FGD6: variants seen among roughly 807,000 people sequenced by gnomAD.
FGD6 encodes the protein FYVE, RhoGEF and PH domain containing 6, also known as FYVE, RhoGEF and PH domain-containing protein 6.
A neutral mutation model predicts 149.4 loss-of-function variants in FGD6; 90 were observed. The ratio of observed to expected loss-of-function variants is 0.60; its 90% CI spans 0.51 to 0.72. FGD6 has a LOEUF of 0.72. FGD6 is among the 30% of genes least tolerant of loss of function. The probability of loss-of-function intolerance (pLI) is 0.00; values close to 1 mark genes in which losing one functional copy is unlikely to be tolerated. For synonymous variants in FGD6, 527 were observed against 584.0 expected, an observed-to-expected ratio of 0.90 and a Z score of 1.41; for missense variants, 1,437 against 1,684.8, an observed-to-expected ratio of 0.85 and a Z score of 2.57.
chr12:95,146,558 T>A (rs921166527), intron 5 of FGD6, among the ~76,000 whole-genome samples: 1 of 152,010 alleles, frequency 6.6e-6, no homozygotes, highest in African/African-American at 2.4e-5. Context: ...AGTGTGAAAA[T>A]GTTAGTTAGC....
chr12:95,152,790 A>G (rs761339417), intron 5 of FGD6, 21 bp downstream of exon 5: 17 of 1,606,890 alleles, frequency 1.1e-5, no homozygotes, highest in Non-Finnish European at 9.4e-6. Flanking sequence ...AGACTTCAAG[A>G]AAATATTAGC....
At position 95,105,066 on chromosome 12, in the gene FGD6, T is replaced by C. The variant is rs375562196; in HGVS notation, c.3438A>G (p.Glu1146=). 15 of 1,611,108 alleles carry C rather than the reference T, an allele frequency of 9.3e-6. No individual in the cohort carries two copies. Among genetic ancestry groups the C allele is most frequent in the South Asian group, 1.1e-5 (1 of 90,064 alleles). Residue 1146 remains glutamate (E), a synonymous_variant, in exon 14 of 21, where the codon GAA becomes GAG. Transcript: ENST00000343958. ...AGMKVRKPTQ[E]AYQNELKIES... ...CAATCTTTAATTCATTCTGATAGGC[T>C]TCTTGGGTAGGTTTTCTGACCTGGA... is the stretch of plus-strand genomic sequence containing the variant.
intron 2 of FGD6, among the ~76,000 whole-genome samples, chr12:95,174,710 C>G (rs951226519): frequency 6.6e-6 from 1 of 151,956 alleles, no homozygotes; most frequent in Non-Finnish European, 1.5e-5. Flanking sequence ...GGGTGGATCA[C>G]GAGGTCAGGA....
At chr12:95,099,086 A>C (rs1260034508) in intron 14 of FGD6, among the ~76,000 whole-genome samples, 1 of 152,148 alleles carries the variant, frequency 6.6e-6, no homozygotes, top group Non-Finnish European at 1.5e-5. Flanking sequence ...CATGTTGGCC[A>C]GGCTGGTCTT....
intron 18 of FGD6, 38 bp downstream of exon 18, chr12:95,089,531 A>T (rs1392647719): frequency 2.5e-6 from 4 of 1,604,430 alleles, no homozygotes; most frequent in Non-Finnish European, 3.4e-6. Context: ...TGAATAATTC[A>T]GCCTCTATCA....
intron 3 of FGD6, among the ~76,000 whole-genome samples, chr12:95,165,485 C>G (rs1318641662): frequency 6.6e-6 from 1 of 151,864 alleles, no homozygotes; most frequent in Non-Finnish European, 1.5e-5. Context: ...AGGCATGCAC[C>G]ACCACGCCTG....
At chr12:95,155,632 T>G (rs370931646) in intron 3 of FGD6, among the ~76,000 whole-genome samples, 6 of 152,324 alleles carry the variant, frequency 3.9e-5, no homozygotes, top group African/African-American at 1.4e-4. Flanking sequence ...TTCATTCTTT[T>G]TATTATATTG....
chr12:95,107,759 A>AT lies in FGD6; in HGVS notation c.3265-129dup. 3.4e-6 allele frequency: 3 copies of AT among 872,704 alleles called. No homozygotes were observed. In the South Asian group the frequency reaches 4.7e-5, roughly 14 times the overall value. The allele number at this position is 872,704 out of a possible 1,614,324, so 54.1% of individuals were successfully genotyped here. ...ACTGGGGAGCCACAGTTTCCTTGAGATTTTTTACAGTCATAGTTAATTTTA... is the reference window on the plus strand; with the variant it reads ...ACTGGGGAGCCACAGTTTCCTTGAGATTTTTTTACAGTCATAGTTAATTTTA... On this transcript the variant is annotated intron_variant, in intron 11 of 20. Transcript: ENST00000343958.
intron 2 of FGD6, among the ~76,000 whole-genome samples, chr12:95,182,075 C>T (rs1039273831): frequency 6.6e-6 from 1 of 152,096 alleles, no homozygotes; most frequent in African/African-American, 2.4e-5. Flanking sequence ...CTCCCCTTCA[C>T]ATCCTCATTA....
chr12:95,129,303 G>GCATCCATCCATCCATCCATC (rs1176512039), intron 8 of FGD6, among the ~76,000 whole-genome samples: 2 of 130,760 alleles, frequency 1.5e-5, no homozygotes, highest in Non-Finnish European at 3.3e-5. Flanking sequence ...ATCCATGCAT[G>GCATCCATCCATCCATCCATC]CATGCATGCA....
intron 2 of FGD6, among the ~76,000 whole-genome samples, chr12:95,181,805 T>C (rs1881287163): frequency 6.6e-6 from 1 of 151,984 alleles, no homozygotes; most frequent in African/African-American, 2.4e-5. Context: ...TACAAAAAAA[T>C]TAGCTGGGCG....
intron 14 of FGD6, among the ~76,000 whole-genome samples, chr12:95,103,541 T>G (rs779832914): frequency 6.6e-6 from 1 of 152,130 alleles, no homozygotes; most frequent in Non-Finnish European, 1.5e-5. Context: ...CCGCCCTCCC[T>G]CCATTCTTTC....
chr12:95,144,232 T>C (rs1879941709), intron 5 of FGD6, among the ~76,000 whole-genome samples: 2 of 152,370 alleles, frequency 1.3e-5, no homozygotes, highest in South Asian at 4.1e-4. Context: ...TACTACTGGA[T>C]GTTTTCAGGT....
At chr12:95,106,447 G>T (rs1289953678) in intron 13 of FGD6, among the ~76,000 whole-genome samples, 99 of 139,068 alleles carry the variant, frequency 7.1e-4, no homozygotes, top group African/African-American at 2.5e-3. Context: ...ATTTTTGTTT[G>T]TTTTTTTTTT....
chr12:95,126,836 G>C (rs1278462429), intron 8 of FGD6, among the ~76,000 whole-genome samples: 1 of 152,098 alleles, frequency 6.6e-6, no homozygotes, highest in African/African-American at 2.4e-5. Flanking sequence ...GCTTTGGTGG[G>C]AGAATTGCTT....
intron 6 of FGD6, among the ~76,000 whole-genome samples, chr12:95,139,131 A>G (rs572636961): frequency 6.6e-6 from 1 of 152,322 alleles, no homozygotes; most frequent in Admixed American, 6.5e-5. Context: ...ACCCTAAGAG[A>G]AAAATATTTT....
At chr12:95,096,488 C>A (rs1878236470) in intron 14 of FGD6, among the ~76,000 whole-genome samples, 1 of 152,176 alleles carries the variant, frequency 6.6e-6, no homozygotes, top group Non-Finnish European at 1.5e-5. Flanking sequence ...TCTCTCTAAA[C>A]CAAACAAAAC....
intron 8 of FGD6, among the ~76,000 whole-genome samples, chr12:95,118,361 A>AAAAAG (rs777482762): frequency 5.2e-5 from 6 of 116,218 alleles, no homozygotes; most frequent in African/African-American, 2.1e-4. Context: ...AAAAAAAAAA[A>AAAAAG]AGAAAGAGAG....
intron 2 of FGD6, among the ~76,000 whole-genome samples, chr12:95,205,960 C>T (rs1346426221): frequency 6.6e-6 from 1 of 152,144 alleles, no homozygotes; most frequent in African/African-American, 2.4e-5. Context: ...CCAAAGCCGC[C>T]CTGGTTTCCT....
Sources: allele counts gnomAD v4.1 joint callset (sites outside exome capture counted in the v4.1 genomes callset), GRCh38; gene constraint gnomAD v4.1.1; transcripts MANE v1.5; gene names NCBI Gene and HGNC (gene_info 2026-07-23, HGNC 2026-07-21).